GAA: variants seen among roughly 807,000 people sequenced by gnomAD.
GAA encodes lysosomal alpha-glucosidase.
Under a neutral mutation model 103.9 loss-of-function variants are expected in GAA, and 88 were observed. The observed-to-expected ratio is 0.85, with a 90% confidence interval of 0.71 to 1.01. The LOEUF (loss-of-function observed/expected upper bound fraction) is 1.01, where lower values mean the gene tolerates loss of function less well. Among genes scored for constraint, GAA ranks in the 50% least tolerant of loss-of-function variants. The pLI, the probability that GAA is intolerant of heterozygous loss-of-function variation, is 0.00. For synonymous variants in GAA, 572 were observed against 563.1 expected (o/e 1.02, Z -0.22); for missense variants, 1,350 against 1,305.3 (o/e 1.03, Z -0.53).
At chr17:80,111,165 A>G in intron 11 of GAA, 140 bp downstream of exon 11, 1 of 866,356 alleles carries the variant, frequency 1.2e-6, no homozygotes, top group Admixed American at 2.1e-5. Context: ...CCCAGGAGAA[A>G]GGCTCAGGCT....
chr17:80,113,939 A>G (rs1414398153), intron 15 of GAA, among the ~76,000 whole-genome samples: 1 of 151,552 alleles, frequency 6.6e-6, no homozygotes, highest in Non-Finnish European at 1.5e-5. Context: ...AATCCCTTGA[A>G]CCTGGGAGGA....
At position 80,118,111 on chromosome 17, in the gene GAA, C is replaced by T. The variant is rs551755801; in HGVS notation, c.2482-82C>T. On this transcript the variant is annotated intron_variant, in intron 17 of 19. Coordinates refer to ENST00000302262, the MANE Select transcript of GAA (RefSeq NM_000152.5). ...TAGTTACTGGCAGCCTGGTGCTGTA[C>T]CAGCCTAGCATTCCCGGGCCCTGGA... is the stretch of plus-strand genomic sequence containing the variant. 1.5e-4 allele frequency: 227 copies of T among 1,502,174 alleles called. 2 individuals carry two copies. Among genetic ancestry groups the T allele is most frequent in the South Asian group, 4.8e-4 (40 of 83,070 alleles). The allele number at this position is 1,502,174 out of a possible 1,614,324, so 93.1% of individuals were successfully genotyped here.
rs1567838707 is a variant in GAA at position 80,116,958 on chromosome 17, C to T, written c.2190-10C>T. 6.2e-7 allele frequency: 1 copy of T among 1,613,654 alleles called. No homozygotes were observed. Among genetic ancestry groups the T allele is most frequent in the South Asian group, 1.1e-5 (1 of 91,078 alleles). On this transcript the variant is annotated splice_polypyrimidine_tract_variant and intron_variant, in intron 15 of 19. Transcript: ENST00000302262. Reference sequence around the variant, plus strand: ...TCACCCGTATGCCTGTGTGCCCATCCCCCTTGCAGGTTCCCCAAGGACTCT... The same window carrying T: ...TCACCCGTATGCCTGTGTGCCCATCTCCCTTGCAGGTTCCCCAAGGACTCT...
At chr17:80,102,483 A>C (rs976042708) in intron 1 of GAA, 2 of 152,286 alleles carry the variant, frequency 1.3e-5, no homozygotes, top group Non-Finnish European at 2.9e-5. Flanking sequence ...TGGGATGGAA[A>C]AGGGGTGAGG....
At chr17:80,110,514 G>T (rs1282949499) in intron 9 of GAA, among the ~76,000 whole-genome samples, 2 of 152,242 alleles carry the variant, frequency 1.3e-5, no homozygotes, top group African/African-American at 2.4e-5. Flanking sequence ...GTGACCCCTC[G>T]TTTTCCCAGG....
chr17:80,111,774 C>G, intron 11 of GAA: 1 of 587,738 alleles, frequency 1.7e-6, no homozygotes, highest in South Asian at 2.0e-5. Flanking sequence ...CCCGCCCAGC[C>G]CTGTCTTAGA....
intron 17 of GAA, among the ~76,000 whole-genome samples, 181 bp downstream of exon 17, chr17:80,117,930 G>A (rs191133334): frequency 1.3e-5 from 2 of 152,312 alleles, no homozygotes; most frequent in African/African-American, 4.8e-5. Context: ...CCACAAAGGC[G>A]TGGAGCATGG....
Position 80,110,927 on chromosome 17 carries a change from C to G in GAA, c.1552-14C>G, listed in dbSNP as rs199715011. On this transcript the variant is annotated splice_polypyrimidine_tract_variant and intron_variant, in intron 10 of 19. Coordinates refer to ENST00000302262, the MANE Select transcript of GAA (RefSeq NM_000152.5). ...TCTGGGCAGAGTCACCTACCAGCAG[C>G]GCTTCTCTTGCAGGACATGAACGAG... The G allele has an allele frequency of 6.2e-7, 1 of 1,613,874 alleles. No homozygotes were observed. Among genetic ancestry groups the G allele is most frequent in the South Asian group, 1.1e-5 (1 of 91,090 alleles).
chr17:80,108,952 G>A, intron 8 of GAA, 124 bp downstream of exon 8: 4 of 1,271,818 alleles, frequency 3.1e-6, no homozygotes, highest in Non-Finnish European at 4.3e-6. Context: ...GGGTCTTTGT[G>A]ATATCGAGGG....
At chr17:80,105,686 CG>C (rs1282149376) in intron 2 of GAA, 62 bp from the exon 3 acceptor site, 1 of 1,589,306 alleles carries the variant, frequency 6.3e-7, no homozygotes, top group Non-Finnish European at 8.6e-7. Flanking sequence ...CCTTGGCGTG[CG>C]GGTTGTTCTC....
chr17:80,109,941 C>G lies in GAA; in HGVS notation c.1327-4C>G, dbSNP rs1344983432. 1 of 1,612,298 alleles carries G rather than the reference C, an allele frequency of 6.2e-7. No homozygotes were observed. The highest frequency in any genetic ancestry group is 8.5e-7 in the Non-Finnish European group (1 of 1,179,112). ...CTCACCTTGACAGGTTTCCCTCTTC[C>G]CAGGATCCTGCCATCAGCAGCTCGG... On this transcript the variant is annotated splice_polypyrimidine_tract_variant and splice_region_variant and intron_variant, in intron 8 of 19. Coordinates refer to ENST00000302262, the MANE Select transcript of GAA (RefSeq NM_000152.5).
rs1217212080 is a variant in GAA, at chr17:80,110,844, A to G, written c.1551+4A>G. The G allele has an allele frequency of 6.2e-7, 1 of 1,613,980 alleles. No homozygotes were observed. Among genetic ancestry groups the G allele is most frequent in the South Asian group, 1.1e-5 (1 of 91,084 alleles). On this transcript the variant is annotated splice_donor_region_variant and intron_variant, in intron 10 of 19. Coordinates refer to ENST00000302262, the MANE Select transcript of GAA (RefSeq NM_000152.5). ...GCCCTTCGACGGCATGTGGATTGTA[A>G]GTGTGGCCCCCTCCTGAGCATCCCC...
Position 80,119,574 on chromosome 17 carries a change from C to G in GAA, c.*243C>G. The stretch of plus-strand genomic sequence containing the variant: ...TGGGCCGGGGCCCTGGAGGGCTGCT[C>G]TGTGTTAATAAGATTGTAAGGTTTG... On this transcript the variant is annotated 3_prime_UTR_variant, in exon 20 of 20. Coordinates refer to ENST00000302262, the MANE Select transcript of GAA (RefSeq NM_000152.5). 1 of 530,916 alleles carries G rather than the reference C, an allele frequency of 1.9e-6. No individual in the cohort carries two copies. The highest frequency in any genetic ancestry group is 3.4e-6 in the Non-Finnish European group (1 of 291,696). 32.9% of individuals were successfully genotyped at this position (530,916 alleles called of 1,614,324 possible).
chr17:80,108,051 C>G (rs9901190), intron 5 of GAA, among the ~76,000 whole-genome samples, 155 bp downstream of exon 5: 2 of 152,144 alleles, frequency 1.3e-5, no homozygotes, highest in South Asian at 2.1e-4. Context: ...CCAACTCTGG[C>G]CTTCTGTGCT....
intron 15 of GAA, among the ~76,000 whole-genome samples, chr17:80,115,977 A>G (rs2039346493): frequency 6.6e-6 from 1 of 152,170 alleles, no homozygotes; most frequent in Non-Finnish European, 1.5e-5. Context: ...TGTTAAATAC[A>G]TGCTCCCCAG....
chr17:80,116,645 G>C (rs1167620615), intron 15 of GAA, among the ~76,000 whole-genome samples: 1 of 152,224 alleles, frequency 6.6e-6, no homozygotes, highest in Non-Finnish European at 1.5e-5. Context: ...ATGAGCACAT[G>C]CTGCCTTGGT....
chr17:80,112,520 C>T (rs2039259752), intron 12 of GAA, 58 bp from the exon 13 acceptor site: 4 of 1,606,490 alleles, frequency 2.5e-6, no homozygotes, highest in Non-Finnish European at 3.4e-6. Flanking sequence ...CTGCTGGTGA[C>T]AGGGTTCCCG....
At position 80,111,990 on chromosome 17, in the gene GAA, T is replaced by TC; in HGVS notation, c.1644_1645insC (p.Gly549ArgfsTer87). ...AGCCCCCGCCTCTTCCAGGGGTGGT[T>TC]GGGGGGACCCTCCAGGCGGCCACCA... On this transcript the variant is annotated frameshift_variant, in exon 12 of 20. Coordinates refer to ENST00000302262, the MANE Select transcript of GAA (RefSeq NM_000152.5). LOFTEE classifies it high-confidence loss of function. 6.2e-7 allele frequency: 1 copy of TC among 1,613,552 alleles called. No homozygotes were observed. The highest frequency in any genetic ancestry group is 2.2e-5 in the East Asian group (1 of 44,870).
intron 15 of GAA, among the ~76,000 whole-genome samples, chr17:80,116,280 C>G (rs539246983): frequency 2.0e-5 from 3 of 152,328 alleles, no homozygotes; most frequent in Admixed American, 6.5e-5. Flanking sequence ...TGGAAAGCAA[C>G]AGTACATATC....
Sources: allele counts gnomAD v4.1 joint callset (sites outside exome capture counted in the v4.1 genomes callset), GRCh38; gene constraint gnomAD v4.1.1; transcripts MANE v1.5; gene names NCBI Gene and HGNC (gene_info 2026-07-23, HGNC 2026-07-21).